ITIH6: variants seen among roughly 807,000 people sequenced by gnomAD.
ITIH6 encodes inter-alpha-trypsin inhibitor heavy chain family member 6, also known as inter-alpha-trypsin inhibitor heavy chain H6.
ITIH6 carries 60 observed loss-of-function variants against 58.2 expected under a neutral mutation model. The observed-to-expected ratio is 1.03, with a 90% CI of 0.84 to 1.28. The LOEUF (loss-of-function observed/expected upper bound fraction) is 1.28, where lower values mean the gene tolerates loss of function less well. ITIH6 is among the 50% of genes most tolerant of loss of function. The pLI, the probability that ITIH6 is intolerant of heterozygous loss-of-function variation, is 0.00. For missense variants in ITIH6, 1,290 were observed against 1,021.1 expected (o/e 1.26, Z -3.59); for synonymous variants, 493 against 417.4 (o/e 1.18, Z -2.21).
At chrX:54,761,595 G>T (rs1370884825) in intron 6 of ITIH6, among the ~76,000 whole-genome samples, 3 of 110,757 alleles carry the variant, frequency 2.7e-5, no homozygotes, top group Non-Finnish European at 3.8e-5. Context: ...TCTTTAATCC[G>T]TCTTGAATTA....
chrX:54,749,660 G>C lies in ITIH6; in HGVS notation c.*235C>G, dbSNP rs1247195652. 1 of 341,535 alleles carries C rather than the reference G, an allele frequency of 2.9e-6. No homozygotes were observed. The highest frequency in any genetic ancestry group is 2.7e-5 in the African/African-American group (1 of 37,444). 28.1% of individuals were successfully genotyped at this position (341,535 alleles called of 1,213,427 possible). A position where few individuals can be genotyped will look rare whatever the true frequency, so the allele number is the denominator to read the frequency against. ...AGGGCTGGTGAGGAGCATGGATTTG[G>C]AGAGGGTGAGACTGGAGATGTGAAG... On this transcript the variant is annotated 3_prime_UTR_variant, in exon 13 of 13. Transcript: ENST00000218436.
intron 11 of ITIH6, among the ~76,000 whole-genome samples, chrX:54,752,007 G>A (rs17002591): frequency 0.071 from 7,922 of 111,186 alleles, 698 homozygotes; most frequent in African/African-American, 0.25. Context: ...TTGTATGCCC[G>A]AGTGTGTTGA....
intron 2 of ITIH6, among the ~76,000 whole-genome samples, chrX:54,796,037 A>AT (rs1051609324): frequency 2.7e-5 from 3 of 109,875 alleles, no homozygotes; most frequent in East Asian, 2.9e-4. Flanking sequence ...GCTAATTTTT[A>AT]TTTTTTTTCT....
At chrX:54,786,554 G>A (rs763229726) in intron 5 of ITIH6, among the ~76,000 whole-genome samples, 100 of 111,143 alleles carry the variant, frequency 9.0e-4, no homozygotes, top group Middle Eastern at 4.6e-3. Context: ...CCATACACAC[G>A]TTTGGTGAGT....
At position 54,790,873 on chromosome X, in the gene ITIH6, G is replaced by A. The variant is rs140080130; in HGVS notation, c.580C>T (p.Leu194=). The change falls in exon 4 of 13, where the codon CTG becomes TTG. Residue 194 remains leucine (L), a synonymous_variant. Coordinates refer to ENST00000218436, the MANE Select transcript of ITIH6 (RefSeq NM_198510.3). ...TTGGTGCGCAGACGGCCGGTCCTCA[G>A]GGGTGGTATGTGCACATAGGAGATG... The part of the protein sequence containing the change: ...TGISYVHIPP[L]RTGRLRTNAH... 3.3e-6 allele frequency: 4 copies of A among 1,211,057 alleles called. No individual in the cohort carries two copies. The African/African-American group carries it at 7.0e-5, about 21-fold the overall frequency.
rs199590798 is a variant in ITIH6 at position 54,757,186 on chromosome X, C to T, written c.2888G>A (p.Gly963Glu). 1.2e-5 allele frequency: 15 copies of T among 1,205,960 alleles called. No individual in the cohort carries two copies. Among genetic ancestry groups the T allele is most frequent in the Non-Finnish European group, 1.7e-5 (15 of 893,242 alleles). Residue 963 changes from glycine (G) to glutamate (E), a missense_variant, in exon 8 of 13, where the codon GGA (glycine) becomes GAA (glutamate). Transcript: ENST00000218436. ...TRQVLGPSRPGVPTMSLLNSS... is the reference protein window; with the variant it reads ...TRQVLGPSRPEVPTMSLLNSS... ...GTTGAGTAGGCTCATTGTTGGAACT[C>T]CTGGCCTAGATGGTCCCAGAACTTG...
chrX:54,768,125 G>C (rs1475996369), intron 6 of ITIH6, among the ~76,000 whole-genome samples: 1 of 74,998 alleles, frequency 1.3e-5, no homozygotes, highest in Non-Finnish European at 2.4e-5. Flanking sequence ...TTGTTGAATT[G>C]ATCCCTTTAC....
chrX:54,756,991 T>C lies in ITIH6; in HGVS notation c.3083A>G (p.Tyr1028Cys). The change falls in exon 8 of 13, where the codon TAT (tyrosine) becomes TGT (cysteine). Residue 1028 changes from tyrosine to cysteine, a missense_variant. Physicochemically the swap from Tyr to Cys is radical, Grantham distance 194. Coordinates refer to ENST00000218436, the MANE Select transcript of ITIH6 (RefSeq NM_198510.3). ...ATCTTCATCAGGAGTGAGGAAGGTA[T>C]AGAAAGCTGGTGGGTTCAAGGACTC... The part of the protein sequence containing the change: ...FVESLNPPAF[Y>C]TFLTPDEDGS... 1 of 1,197,615 alleles carries C rather than the reference T, an allele frequency of 8.3e-7. No individual in the cohort carries two copies. The highest frequency in any genetic ancestry group is 3.0e-5 in the East Asian group (1 of 33,738).
chrX:54,789,682 C>T (rs1225798243), intron 4 of ITIH6, among the ~76,000 whole-genome samples: 1 of 112,094 alleles, frequency 8.9e-6, no homozygotes, highest in African/African-American at 3.2e-5. Context: ...TCCTCATCTA[C>T]AGCACAGGCA....
chrX:54,767,963 ATTG>A (rs1928837038), intron 6 of ITIH6, among the ~76,000 whole-genome samples: 1 of 97,645 alleles, frequency 1.0e-5, no homozygotes, highest in Admixed American at 1.1e-4. Context: ...TTTCTGTCTC[ATTG>A]ATCTGTCTAA....
chrX:54,762,801 A>G (rs1928677478), intron 6 of ITIH6, among the ~76,000 whole-genome samples: 1 of 112,287 alleles, frequency 8.9e-6, no homozygotes, highest in African/African-American at 3.2e-5. Flanking sequence ...CCATGGCAAT[A>G]CTAGCATAGG....
At position 54,790,916 on chromosome X, in the gene ITIH6, T is replaced by A. The variant is rs780596641; in HGVS notation, c.537A>T (p.Thr179=). ...QLVKRLSIEV[T]VSERTGISYV... is the part of the protein sequence containing the mutation. ...AGGAGATGCCTGTCCTTTCTGACAC[T>A]GTAACCTCTATGCTCAGCCTCTTCA... Residue 179 remains threonine, a synonymous_variant, in exon 4 of 13, where the codon ACA becomes ACT. Coordinates refer to ENST00000218436, the MANE Select transcript of ITIH6 (RefSeq NM_198510.3). 4.1e-6 allele frequency: 5 copies of A among 1,211,115 alleles called. No homozygotes were observed. The Admixed American group carries it at 1.1e-4, about 26-fold the overall frequency.
chrX:54,786,922 C>A (rs1418302667), intron 5 of ITIH6, among the ~76,000 whole-genome samples: 1 of 111,438 alleles, frequency 9.0e-6, no homozygotes, highest in Non-Finnish European at 1.9e-5. Flanking sequence ...TGATGATGTG[C>A]TGGGCTTTGA....
rs1004897661 is a variant in ITIH6, at chrX:54,770,302, C to T, written c.903+3779G>A. 6.2e-5 allele frequency among the ~76,000 whole-genome samples: 7 copies of T among 112,555 alleles called. No homozygotes were observed. The East Asian group carries it at 1.1e-3, about 18-fold the overall frequency. On this transcript the variant is annotated intron_variant, in intron 6 of 12. Coordinates refer to ENST00000218436, the MANE Select transcript of ITIH6 (RefSeq NM_198510.3). ...CTGGCACTCCCTAGTGAGATGAACC[C>T]GGTACCTCAGATGGAAATGCAGAAA...
Position 54,751,097 on chromosome X carries a change from G to T in ITIH6, c.3636C>A (p.His1212Gln), listed in dbSNP as rs1260279961. ...GPYLEFLVLR[H>Q]RYRHPSTLQL... ...GCAGGGTACTGGGATGCCTGTAGCGGTGTCGGAGGACTAGGAACTCAAGGT... is the reference window on the plus strand; with the variant it reads ...GCAGGGTACTGGGATGCCTGTAGCGTTGTCGGAGGACTAGGAACTCAAGGT... The change falls in exon 12 of 13, where the codon CAC (histidine) becomes CAA (glutamine). Residue 1212 changes from histidine to glutamine, a missense_variant. Physicochemically the swap from His to Gln is conservative, Grantham distance 24. Coordinates refer to ENST00000218436, the MANE Select transcript of ITIH6 (RefSeq NM_198510.3). 3 of 1,206,118 alleles carry T rather than the reference G, an allele frequency of 2.5e-6. No homozygotes were observed. The highest frequency in any genetic ancestry group is 2.2e-5 in the Admixed American group (1 of 45,263).
At chrX:54,767,201 T>G (rs1253791438) in intron 6 of ITIH6, among the ~76,000 whole-genome samples, 4 of 105,346 alleles carry the variant, frequency 3.8e-5, no homozygotes, top group Admixed American at 1.0e-4. Context: ...TATTCTCTGA[T>G]GGTAGTTTGT....
intron 6 of ITIH6, among the ~76,000 whole-genome samples, chrX:54,772,070 C>G (rs1373309356): frequency 8.9e-6 from 1 of 112,216 alleles, no homozygotes; most frequent in African/African-American, 3.2e-5. Flanking sequence ...CAGCACAATT[C>G]ACAATAGCAA....
At position 54,758,118 on chromosome X, in the gene ITIH6, C is replaced by A. The variant is rs751047339; in HGVS notation, c.1956G>T (p.Leu652Phe). ...GLGVSTAQPA[L>F]VPKVISPKSR... ...ATTTGGGGGAGATGACCTTGGGCAC[C>A]AAGGCTGGCTGAGCTGTGCTTACCC... is the stretch of plus-strand genomic sequence containing the variant. The change falls in exon 8 of 13, where the codon TTG (leucine) becomes TTT (phenylalanine). Residue 652 changes from leucine to phenylalanine, a missense_variant. Coordinates refer to ENST00000218436, the MANE Select transcript of ITIH6 (RefSeq NM_198510.3). 9.1e-6 allele frequency: 11 copies of A among 1,209,682 alleles called. No homozygotes were observed. Among genetic ancestry groups the A allele is most frequent in the South Asian group, 5.3e-5 (3 of 56,792 alleles).
At chrX:54,792,080 TAA>T (rs750078428) in intron 2 of ITIH6, 44 bp from the exon 3 acceptor site, 1 of 949,532 alleles carries the variant, frequency 1.1e-6, no homozygotes, top group South Asian at 2.1e-5. Context: ...ACAGAGAAAA[TAA>T]AGAGTTGGTC....
Sources: allele counts gnomAD v4.1 joint callset (sites outside exome capture counted in the v4.1 genomes callset), GRCh38; gene constraint gnomAD v4.1.1; transcripts MANE v1.5; gene names NCBI Gene and HGNC (gene_info 2026-07-23, HGNC 2026-07-21).